The following PHACTR4 variants were observed in gnomAD, a reference collection of about 807,000 sequenced individuals.
PHACTR4 encodes phosphatase and actin regulator 4, also known as protein phosphatase 1, regulatory subunit 124.
Under a neutral mutation model 72.7 loss-of-function variants are expected in PHACTR4, and 51 were observed. The observed-to-expected ratio is 0.70, with a 90% CI of 0.56 to 0.89. The LOEUF is 0.89. Ranked by LOEUF, PHACTR4 falls within the 40% of genes least tolerant of loss-of-function variation. The pLI is 0.00. For synonymous variants in PHACTR4, 255 were observed against 302.5 expected (o/e 0.84, Z 1.63); for missense variants, 731 against 861.8 (o/e 0.85, Z 1.90).
chr1:28,458,804 C>G (rs766282860), intron 2 of PHACTR4, among the ~76,000 whole-genome samples: 5 of 152,094 alleles, frequency 3.3e-5, no homozygotes, highest in Admixed American at 6.6e-5. Context: ...TGTATACATG[C>G]GCCTTTAAAA....
intron 1 of PHACTR4, among the ~76,000 whole-genome samples, chr1:28,388,030 T>G (rs1041380488): frequency 1.3e-5 from 2 of 152,026 alleles, no homozygotes; most frequent in Non-Finnish European, 2.9e-5. Context: ...GCCCGGCCTT[T>G]GTTTTTTTTA....
intron 10 of PHACTR4, among the ~76,000 whole-genome samples, chr1:28,489,503 G>A (rs138957428): frequency 6.6e-6 from 1 of 152,282 alleles, no homozygotes; most frequent in East Asian, 1.9e-4. Flanking sequence ...GGGAGGCTTT[G>A]ACAGTATATG....
chr1:28,456,062 T>C (rs192492242), intron 2 of PHACTR4, among the ~76,000 whole-genome samples: 8 of 152,292 alleles, frequency 5.3e-5, no homozygotes, highest in Admixed American at 5.2e-4. Flanking sequence ...GGTCCCTGTA[T>C]TAAGCCATTC....
chr1:28,426,789 C>T (rs1017353512), intron 2 of PHACTR4, among the ~76,000 whole-genome samples: 52 of 151,208 alleles, frequency 3.4e-4, no homozygotes, highest in Non-Finnish European at 6.9e-4. Context: ...CTCAAGCAAT[C>T]CTCCCACCTT....
At chr1:28,392,730 A>G (rs746908035) in intron 1 of PHACTR4, among the ~76,000 whole-genome samples, 27 of 152,268 alleles carry the variant, frequency 1.8e-4, no homozygotes, top group Non-Finnish European at 3.1e-4. Context: ...CAAAAAGATG[A>G]AAGTTCTAGA....
intron 2 of PHACTR4, among the ~76,000 whole-genome samples, chr1:28,420,323 T>G (rs1469679537): frequency 6.6e-6 from 1 of 152,170 alleles, no homozygotes; most frequent in Non-Finnish European, 1.5e-5. Context: ...GGGGGCAGTT[T>G]ACCCCATGCT....
At chr1:28,385,758 G>A (rs886433573) in intron 1 of PHACTR4, among the ~76,000 whole-genome samples, 2 of 151,476 alleles carry the variant, frequency 1.3e-5, no homozygotes, top group Admixed American at 6.6e-5. Flanking sequence ...TGGGATTACA[G>A]GTGTGTGCCA....
At chr1:28,456,034 ATT>A (rs910781187) in intron 2 of PHACTR4, among the ~76,000 whole-genome samples, 1 of 149,366 alleles carries the variant, frequency 6.7e-6, no homozygotes, top group African/African-American at 2.5e-5. Flanking sequence ...TGTATCAACT[ATT>A]TTTTTTTTGA....
In PHACTR4 at chr1:28,382,874, AC is replaced by A. The variant is rs541003662; in HGVS notation, c.-39+13051del. Among the ~76,000 whole-genome samples the A allele has an allele frequency of 3.3e-5, 5 of 151,830 alleles. No individual in the cohort carries two copies. In the East Asian group the frequency reaches 9.7e-4, roughly 30 times the overall value. ...AGTGGCACGATCTTGGCTCACTGCAACCTCTGCCTCCTGGATTCAAGTGATT... is the reference window on the plus strand; with the variant it reads ...AGTGGCACGATCTTGGCTCACTGCAACTCTGCCTCCTGGATTCAAGTGATT... On this transcript the variant is annotated intron_variant, in intron 1 of 13. Transcript: ENST00000373839.
intron 2 of PHACTR4, among the ~76,000 whole-genome samples, chr1:28,418,414 G>T (rs1187132163): frequency 6.6e-6 from 1 of 151,672 alleles, no homozygotes; most frequent in African/African-American, 2.4e-5. Context: ...CTGGGAGGCA[G>T]AGGTTGCAGT....
chr1:28,491,861 C>A (rs1661059704), intron 12 of PHACTR4, 74 bp downstream of exon 12: 3 of 1,495,250 alleles, frequency 2.0e-6, no homozygotes, highest in South Asian at 1.3e-5. Context: ...AAGATACTAA[C>A]TAGAAGGGAG....
intron 2 of PHACTR4, among the ~76,000 whole-genome samples, chr1:28,434,626 A>G (rs1042817000): frequency 2.6e-5 from 4 of 152,100 alleles, no homozygotes; most frequent in Admixed American, 6.6e-5. Flanking sequence ...AGCCCCTTTC[A>G]TTCTTTAAGT....
At chr1:28,445,016 C>T in intron 2 of PHACTR4, among the ~76,000 whole-genome samples, 1 of 151,828 alleles carries the variant, frequency 6.6e-6, no homozygotes, top group Admixed American at 6.6e-5. Context: ...AGTGCAGTGG[C>T]ACGATTTCAG....
At chr1:28,441,330 C>T (rs144891423) in intron 2 of PHACTR4, among the ~76,000 whole-genome samples, 1,639 of 151,954 alleles carry the variant, frequency 0.011, 28 homozygotes, top group African/African-American at 0.037. Flanking sequence ...CCTCCCACCT[C>T]GGGCTCCCAA....
intron 2 of PHACTR4, among the ~76,000 whole-genome samples, chr1:28,426,391 G>T (rs1655847125): frequency 6.6e-6 from 1 of 152,148 alleles, no homozygotes; most frequent in African/African-American, 2.4e-5. Flanking sequence ...AGGCATGGTG[G>T]CTCACGCCTG....
intron 10 of PHACTR4, chr1:28,489,629 A>G (rs1570113816): frequency 5.5e-6 from 2 of 361,830 alleles, no homozygotes; most frequent in East Asian, 1.5e-4. Context: ...CAAATGCAGC[A>G]GCTTTTCTCT....
intron 1 of PHACTR4, among the ~76,000 whole-genome samples, chr1:28,381,377 C>G (rs1404644598): frequency 6.8e-6 from 1 of 146,370 alleles, no homozygotes; most frequent in Non-Finnish European, 1.5e-5. Flanking sequence ...CAGCTCACTG[C>G]AACCTCCGCC....
At chr1:28,405,959 T>C (rs1654296971) in intron 1 of PHACTR4, among the ~76,000 whole-genome samples, 1 of 152,128 alleles carries the variant, frequency 6.6e-6, no homozygotes, top group Non-Finnish European at 1.5e-5. Context: ...CTATCTATCT[T>C]AGTAAACAAT....
chr1:28,464,284 T>C lies in PHACTR4; in HGVS notation c.272-1401T>C, dbSNP rs965431968. Among the ~76,000 whole-genome samples, 32 of 152,178 alleles carry C rather than the reference T, an allele frequency of 2.1e-4. 1 individual carries two copies. Among genetic ancestry groups the C allele is most frequent in the African/African-American group, 7.2e-4 (30 of 41,460 alleles). On this transcript the variant is annotated intron_variant, in intron 4 of 13. Transcript: ENST00000373839. Reference sequence around the variant, plus strand: ...CCCGGCCCCCCATAACCATTTCTTATGTGAATCTATTCTCCTGCCAGACCA... The same window carrying C: ...CCCGGCCCCCCATAACCATTTCTTACGTGAATCTATTCTCCTGCCAGACCA...
Sources: gnomAD v4.1 joint callset for allele counts (sites outside exome capture counted in the v4.1 genomes callset) on GRCh38, gnomAD v4.1.1 for gene constraint, MANE v1.5 for transcripts, NCBI Gene and HGNC (gene_info 2026-07-23, HGNC 2026-07-21) for gene names.